The following CEP192 variants were observed in gnomAD, a reference collection of about 807,000 sequenced individuals.
The protein encoded by CEP192 is centrosomal protein 192.
In CEP192, 151 loss-of-function variants were observed where a neutral mutation model predicts 271.8. The observed-to-expected ratio is 0.56, with a 90% CI of 0.49 to 0.64. CEP192 has a LOEUF of 0.64. Among genes scored for constraint, CEP192 ranks in the 30% least tolerant of loss-of-function variants. The probability of loss-of-function intolerance (pLI) is 0.00; values close to 1 mark genes in which losing one functional copy is unlikely to be tolerated. For missense variants in CEP192, 2,910 were observed against 3,020.5 expected (o/e 0.96, Z 0.86); for synonymous variants, 995 against 1,076.5 (o/e 0.92, Z 1.48).
chr18:13,049,355 A>C lies in CEP192; in HGVS notation c.2564A>C (p.Gln855Pro). 1 of 1,614,188 alleles carries C rather than the reference A, an allele frequency of 6.2e-7. No individual in the cohort carries two copies. Residue 855 changes from glutamine to proline, a missense_variant, in exon 16 of 45, where the codon CAA (glutamine) becomes CCA (proline). Coordinates refer to ENST00000506447, the MANE Select transcript of CEP192 (RefSeq NM_032142.4). ...GTTGAAAATGGAGAGAGTGAGAATC[A>C]AGAGTCATTTAGAACCATAAACTCC... Reference protein sequence around the residue: ...VYVENGESENQESFRTINSSN... With the variant: ...VYVENGESENPESFRTINSSN...
rs1040684377 is a variant in CEP192, at chr18:13,053,422, A to G, written c.3189+332A>G. The stretch of plus-strand genomic sequence containing the variant: ...TGCTTCAGCAAAGGTTTCTGCAGGG[A>G]TAAATACACTGAAGCCACACCGTGC... On this transcript the variant is annotated intron_variant, in intron 18 of 44. Transcript: ENST00000506447. Among the ~76,000 whole-genome samples, 23 of 152,174 alleles carry G rather than the reference A, an allele frequency of 1.5e-4. 1 individual carries two copies. Among genetic ancestry groups the G allele is most frequent in the African/African-American group, 5.3e-4 (22 of 41,436 alleles).
intron 39 of CEP192, 99 bp from the exon 40 acceptor site, chr18:13,104,885 T>A (rs1392924180): frequency 1.1e-6 from 1 of 884,928 alleles, no homozygotes; most frequent in Admixed American, 1.9e-5. Context: ...CTGCTAAGTG[T>A]GTTGGTGTGT....
intron 2 of CEP192, among the ~76,000 whole-genome samples, chr18:12,999,971 A>AGG (rs1440600205): frequency 3.3e-5 from 5 of 151,768 alleles, no homozygotes; most frequent in Non-Finnish European, 5.9e-5. Flanking sequence ...CTTGACATCA[A>AGG]GGGGAGGAGT....
intron 40 of CEP192, among the ~76,000 whole-genome samples, chr18:13,111,870 A>G (rs1337162691): frequency 6.6e-6 from 1 of 152,252 alleles, no homozygotes; most frequent in East Asian, 1.9e-4. Flanking sequence ...ATGTGAGAAG[A>G]TGCTTAGAAT....
At position 13,073,033 on chromosome 18, in the gene CEP192, C is replaced by T; in HGVS notation, c.5464C>T (p.Gln1822Ter). 6.2e-7 allele frequency: 1 copy of T among 1,610,456 alleles called. No homozygotes were observed. ...GCTTCAGAACACTTTTGGTTCAGAA[C>T]AGCGATTGACCAGTAACTGTGAGAT... ...FQLQNTFGSE[Q>*]RLTSNCEIRI... Residue 1822 changes from glutamine to a stop codon, truncating the protein, a stop_gained, in exon 30 of 45, where the codon CAG (glutamine) becomes TAG (stop). Coordinates refer to ENST00000506447, the MANE Select transcript of CEP192 (RefSeq NM_032142.4). LOFTEE classifies it high-confidence loss of function.
At chr18:13,050,865 C>T (rs2144025734) in intron 17 of CEP192, among the ~76,000 whole-genome samples, 2 of 152,328 alleles carry the variant, frequency 1.3e-5, no homozygotes, top group South Asian at 4.1e-4. Context: ...CAGGCATGAG[C>T]CACTGTGCTT....
chr18:13,124,915 A>C lies in CEP192; in HGVS notation c.*145A>C. Reference sequence around the variant, plus strand: ...ATTTTGTTTTTACAAGCTAATACTGAAGACTCGACTGAAATATTATGTATC... The same window carrying C: ...ATTTTGTTTTTACAAGCTAATACTGCAGACTCGACTGAAATATTATGTATC... On this transcript the variant is annotated 3_prime_UTR_variant, in exon 45 of 45. Coordinates refer to ENST00000506447, the MANE Select transcript of CEP192 (RefSeq NM_032142.4). 1.6e-6 allele frequency: 1 copy of C among 636,460 alleles called. No homozygotes were observed. The highest frequency in any genetic ancestry group is 2.2e-5 in the South Asian group (1 of 45,734). 39.4% of individuals were successfully genotyped at this position (636,460 alleles called of 1,614,324 possible). A position where few individuals can be genotyped will look rare whatever the true frequency, so the allele number is the denominator to read the frequency against.
At position 13,019,570 on chromosome 18, in the gene CEP192, C is replaced by T. The variant is rs371879756; in HGVS notation, c.1050+364C>T. 2.6e-5 allele frequency among the ~76,000 whole-genome samples: 4 copies of T among 152,152 alleles called. 1 individual carries two copies. On this transcript the variant is annotated intron_variant, in intron 9 of 44. Transcript: ENST00000506447. ...TACCCCGTTTCTCCTGTGCCTGAAGCTTGGTAGTCATTTCTGACTCATACC... is the reference window on the plus strand; with the variant it reads ...TACCCCGTTTCTCCTGTGCCTGAAGTTTGGTAGTCATTTCTGACTCATACC...
intron 44 of CEP192, 89 bp downstream of exon 44, chr18:13,117,732 C>A: frequency 1.1e-6 from 1 of 911,784 alleles, no homozygotes; most frequent in South Asian, 1.4e-5. Context: ...TCCTCTGCTG[C>A]AGGTCCTCCA....
chr18:13,020,733 A>G (rs189343617), intron 9 of CEP192, among the ~76,000 whole-genome samples: 3 of 152,076 alleles, frequency 2.0e-5, no homozygotes, highest in Non-Finnish European at 2.9e-5. Context: ...CCTATTTAAC[A>G]CTCTTTACTT....
In CEP192 at chr18:13,100,383, A is replaced by G; in HGVS notation, c.6742A>G (p.Ile2248Val). The change falls in exon 38 of 45, where the codon ATT becomes GTT. Residue 2248 changes from isoleucine (I) to valine (V), a missense_variant. Physicochemically the swap from Ile to Val is conservative, Grantham distance 29. Transcript: ENST00000506447. ...TCGTTTGACCTCCAAACCATTTGGA[A>G]TTCTTTCCCCAGTATCTGAGCCTTC... is the stretch of plus-strand genomic sequence containing the variant. ...LTRLTSKPFG[I>V]LSPVSEPSVS... 6.2e-7 allele frequency: 1 copy of G among 1,614,092 alleles called. No individual in the cohort carries two copies. Among genetic ancestry groups the G allele is most frequent in the Non-Finnish European group, 8.5e-7 (1 of 1,179,928 alleles).
chr18:13,122,809 A>C (rs1053443382), intron 44 of CEP192, among the ~76,000 whole-genome samples: 1 of 146,914 alleles, frequency 6.8e-6, no homozygotes, highest in Non-Finnish European at 1.5e-5. Context: ...CTGGGTTCAG[A>C]GGACTTTCCT....
At chr18:13,052,575 A>AT (rs959132701) in intron 17 of CEP192, among the ~76,000 whole-genome samples, 2 of 151,708 alleles carry the variant, frequency 1.3e-5, no homozygotes, top group African/African-American at 2.4e-5. Flanking sequence ...TATCTGCATG[A>AT]TTTTTTTTCC....
At chr18:13,045,740 A>G (rs1598438524) in intron 15 of CEP192, among the ~76,000 whole-genome samples, 1 of 152,324 alleles carries the variant, frequency 6.6e-6, no homozygotes, top group Non-Finnish European at 1.5e-5. Context: ...TCTTCATAAA[A>G]TTGTTTTGGT....
At chr18:13,057,795 C>A (rs2037193886) in intron 20 of CEP192, 62 bp downstream of exon 20, 2 of 1,516,940 alleles carry the variant, frequency 1.3e-6, no homozygotes, top group Non-Finnish European at 9.1e-7. Flanking sequence ...TGCTTGATTT[C>A]CCCCATCTCT....
intron 8 of CEP192, 119 bp from the exon 9 acceptor site, chr18:13,018,963 G>T: frequency 1.1e-6 from 1 of 949,944 alleles, no homozygotes. Flanking sequence ...GGCTAAATTT[G>T]TCATAGGAGT....
chr18:13,092,000 A>G (rs1315457728), intron 33 of CEP192, among the ~76,000 whole-genome samples: 1 of 152,252 alleles, frequency 6.6e-6, no homozygotes, highest in African/African-American at 2.4e-5. Context: ...TGTCCACATT[A>G]AGCTTCATAT....
In CEP192 at chr18:13,042,444, T is replaced by C. The variant is rs1309174155; in HGVS notation, c.2067+110T>C. 6 of 1,157,294 alleles carry C rather than the reference T, an allele frequency of 5.2e-6. No individual in the cohort carries two copies. In the Admixed American group the frequency reaches 1.4e-4, roughly 28 times the overall value. The allele number at this position is 1,157,294 out of a possible 1,614,324, so 71.7% of individuals were successfully genotyped here. A position where few individuals can be genotyped will look rare whatever the true frequency, so the allele number is the denominator to read the frequency against. On this transcript the variant is annotated intron_variant, in intron 15 of 44. Coordinates refer to ENST00000506447, the MANE Select transcript of CEP192 (RefSeq NM_032142.4). ...TTTATGCCGTTTAACATCTTTTCTT[T>C]CCTGGCTTCAGATTTCTTGCAAGTG...
chr18:13,068,785 C>G, intron 24 of CEP192, 67 bp from the exon 25 acceptor site: 21 of 1,572,734 alleles, frequency 1.3e-5, no homozygotes, highest in Non-Finnish European at 1.8e-5. Flanking sequence ...CTGTGTGGGA[C>G]TGCTGATGGC....
Sources: gnomAD v4.1 joint callset for allele counts (sites outside exome capture counted in the v4.1 genomes callset) on GRCh38, gnomAD v4.1.1 for gene constraint, MANE v1.5 for transcripts, NCBI Gene and HGNC (gene_info 2026-07-23, HGNC 2026-07-21) for gene names.